Variants in RANBP17 observed in about 807,000 individuals in gnomAD.
The protein encoded by RANBP17 is RAN binding protein 17.
A neutral mutation model predicts 141.2 loss-of-function variants in RANBP17; 158 were observed. The ratio of observed to expected loss-of-function variants is 1.12; its 90% CI spans 0.98 to 1.28. The LOEUF (loss-of-function observed/expected upper bound fraction) is 1.28. Among genes scored for constraint, RANBP17 ranks in the 50% most tolerant of loss-of-function variants. The pLI is 0.00. For synonymous variants in RANBP17, 430 were observed against 450.0 expected (o/e 0.96, Z 0.56); for missense variants, 1,438 against 1,290.7 (o/e 1.11, Z -1.75).
Position 170,968,337 on chromosome 5 carries a change from G to C in RANBP17, c.1670G>C (p.Arg557Pro). The C allele has an allele frequency of 6.2e-7, 1 of 1,608,680 alleles. No individual in the cohort carries two copies. The highest frequency in any genetic ancestry group is 1.1e-5 in the South Asian group (1 of 89,948). The change falls in exon 14 of 28, where the codon CGT (arginine) becomes CCT (proline). Residue 557 changes from arginine (R) to proline (P), a missense_variant. Arg to Pro is a moderately radical substitution (Grantham distance 103, BLOSUM62 -2). Transcript: ENST00000523189. ...LAILWFLDQF[R>P]KTYVGDQLQR... ...ATTCTGTGGTTCTTGGATCAGTTTC[G>C]TAAAACATATGTTGGTGATCAACTT... is the stretch of plus-strand genomic sequence containing the variant.
chr5:170,930,332 ATTACT>A lies in RANBP17; in HGVS notation c.1468+5786_1468+5790del, dbSNP rs376748041. Among the ~76,000 whole-genome samples, 13 of 151,654 alleles carry A rather than the reference ATTACT, an allele frequency of 8.6e-5. No homozygotes were observed. The South Asian group carries it at 1.0e-3, about 12-fold the overall frequency. ...TAAACATTACTTTAGTTGTTTAAAC[ATTACT>A]TTAGTTGCATCCCACGAGTTTTGTA... On this transcript the variant is annotated intron_variant, in intron 12 of 27. Transcript: ENST00000523189.
chr5:171,149,391 A>C (rs17073367), intron 14 of RANBP17, among the ~76,000 whole-genome samples: 14,550 of 152,274 alleles, frequency 0.096, 1,146 homozygotes, highest in African/African-American at 0.21. Context: ...GGTTCTCTCA[A>C]CACATGACTG....
At chr5:170,981,821 G>T (rs755572714) in intron 14 of RANBP17, among the ~76,000 whole-genome samples, 9 of 152,112 alleles carry the variant, frequency 5.9e-5, no homozygotes, top group Non-Finnish European at 1.3e-4. Flanking sequence ...TTAAATTCCT[G>T]CAGTGAAGAA....
rs1191945000 is a variant in RANBP17, at chr5:170,916,305, A to G, written c.835-160A>G. ...ATTGCATTATAATGCGTTATATTCT[A>G]TATTGCATTATAATGCGTTATATTC... On this transcript the variant is annotated intron_variant, in intron 8 of 27. Coordinates refer to ENST00000523189, the MANE Select transcript of RANBP17 (RefSeq NM_022897.5). 2.8e-5 allele frequency among the ~76,000 whole-genome samples: 4 copies of G among 145,256 alleles called. 2 individuals carry two copies. Among genetic ancestry groups the G allele is most frequent in the Admixed American group, 1.4e-4 (2 of 14,338 alleles).
intron 16 of RANBP17, among the ~76,000 whole-genome samples, chr5:171,173,578 C>G (rs1183101427): frequency 6.6e-6 from 1 of 152,032 alleles, no homozygotes; most frequent in Non-Finnish European, 1.5e-5. Flanking sequence ...AAGCCAGTCT[C>G]TGAACTTTGG....
chr5:171,230,091 T>C (rs147274255), intron 22 of RANBP17, among the ~76,000 whole-genome samples: 238 of 152,074 alleles, frequency 1.6e-3, no homozygotes, highest in African/African-American at 5.3e-3. Flanking sequence ...AAGAATCTTA[T>C]AGATTCTTCC....
intron 7 of RANBP17, among the ~76,000 whole-genome samples, chr5:170,912,103 A>G (rs1205892902): frequency 2.0e-5 from 3 of 151,936 alleles, no homozygotes; most frequent in Non-Finnish European, 4.4e-5. Flanking sequence ...GAGGAACAGT[A>G]TTAATTTTGT....
chr5:171,245,010 T>C (rs1240383155), intron 24 of RANBP17, among the ~76,000 whole-genome samples: 1 of 151,800 alleles, frequency 6.6e-6, no homozygotes, highest in Non-Finnish European at 1.5e-5. Flanking sequence ...GCACCTGTAG[T>C]CCCAGCTACC....
At chr5:171,096,221 A>G (rs1200068295) in intron 14 of RANBP17, among the ~76,000 whole-genome samples, 1 of 152,220 alleles carries the variant, frequency 6.6e-6, no homozygotes, top group Non-Finnish European at 1.5e-5. Flanking sequence ...AATGTGAAAC[A>G]CATATAAAAA....
rs148659070 is a variant in RANBP17 at position 170,909,718 on chromosome 5, A to G, written c.547A>G (p.Thr183Ala). The change falls in exon 6 of 28, where the codon ACT (threonine) becomes GCT (alanine). Residue 183 changes from threonine to alanine, a missense_variant. By Grantham distance (58) the Thr-to-Ala change is moderately conservative (BLOSUM62 0). Transcript: ENST00000523189. Reference protein sequence around the residue: ...HRKIATSFRDTSLKDVLVLAC... With the variant: ...HRKIATSFRDASLKDVLVLAC... ...GAAAATAGCTACCTCATTTCGTGAT[A>G]CTTCTCTCAAAGACGTTTTAGTGCT... The G allele has an allele frequency of 1.9e-6, 3 of 1,597,764 alleles. No individual in the cohort carries two copies. Among genetic ancestry groups the G allele is most frequent in the Non-Finnish European group, 2.6e-6 (3 of 1,167,900 alleles).
chr5:171,074,253 A>G (rs1213389693), intron 14 of RANBP17, among the ~76,000 whole-genome samples: 2 of 152,140 alleles, frequency 1.3e-5, no homozygotes, highest in Non-Finnish European at 2.9e-5. Context: ...TAAAACTCAG[A>G]TTGAAGGAAA....
At chr5:170,950,103 G>A (rs1775087883) in intron 12 of RANBP17, among the ~76,000 whole-genome samples, 1 of 152,046 alleles carries the variant, frequency 6.6e-6, no homozygotes, top group South Asian at 2.1e-4. Flanking sequence ...AAATCTAGAT[G>A]GATTAGACTT....
chr5:171,284,157 G>A (rs967820164), intron 25 of RANBP17, among the ~76,000 whole-genome samples: 2 of 152,100 alleles, frequency 1.3e-5, no homozygotes, highest in African/African-American at 2.4e-5. Flanking sequence ...AGCCATCTCT[G>A]TGATGCATAT....
intron 3 of RANBP17, among the ~76,000 whole-genome samples, chr5:170,882,180 G>A (rs1039428889): frequency 3.3e-5 from 5 of 152,140 alleles, no homozygotes; most frequent in South Asian, 2.1e-4. Flanking sequence ...GCCTCCTGGC[G>A]TAGCAATTCT....
At chr5:170,982,394 T>C (rs3860764) in intron 14 of RANBP17, among the ~76,000 whole-genome samples, 93,006 of 151,954 alleles carry the variant, frequency 0.61, 29,841 homozygotes, top group South Asian at 0.88. Context: ...AAACCTCATA[T>C]GAAAACCAAA....
intron 22 of RANBP17, among the ~76,000 whole-genome samples, chr5:171,232,135 T>A (rs1764242207): frequency 6.6e-6 from 1 of 152,204 alleles, no homozygotes; most frequent in Non-Finnish European, 1.5e-5. Context: ...AACAGAAACT[T>A]CAAAATAGTT....
At chr5:171,127,669 C>T (rs904537239) in intron 14 of RANBP17, among the ~76,000 whole-genome samples, 1 of 152,050 alleles carries the variant, frequency 6.6e-6, no homozygotes, top group Non-Finnish European at 1.5e-5. Context: ...GTCTTCTCAT[C>T]GCAGTTAGAA....
intron 12 of RANBP17, among the ~76,000 whole-genome samples, chr5:170,927,623 C>T (rs185334480): frequency 8.6e-5 from 13 of 151,812 alleles, no homozygotes; most frequent in African/African-American, 3.1e-4. Flanking sequence ...AAAGTGAGCT[C>T]CTTGGGTGTG....
At chr5:171,189,156 G>C (rs999338033) in intron 18 of RANBP17, among the ~76,000 whole-genome samples, 1 of 152,132 alleles carries the variant, frequency 6.6e-6, no homozygotes, top group Non-Finnish European at 1.5e-5. Flanking sequence ...AGTGCTTGGT[G>C]CATGGTAGGT....
Sources: allele counts gnomAD v4.1 joint callset (sites outside exome capture counted in the v4.1 genomes callset), GRCh38; gene constraint gnomAD v4.1.1; transcripts MANE v1.5; gene names NCBI Gene and HGNC (gene_info 2026-07-23, HGNC 2026-07-21).